Variants in WDR64 observed in about 807,000 individuals in gnomAD.
The protein encoded by WDR64 is WD repeat-containing protein 64.
A neutral mutation model predicts 139.3 loss-of-function variants in WDR64; 112 were observed. The ratio of observed to expected loss-of-function variants is 0.80; its 90% CI spans 0.69 to 0.94. The LOEUF (loss-of-function observed/expected upper bound fraction) is 0.94. Ranked by LOEUF, WDR64 falls within the 40% of genes least tolerant of loss-of-function variation. The pLI is 0.00. For missense variants in WDR64, 1,206 were observed against 1,293.1 expected (o/e 0.93, Z 1.03); for synonymous variants, 444 against 437.7 (o/e 1.01, Z -0.18).
At chr1:241,734,723 T>C (rs1396635188) in intron 10 of WDR64, among the ~76,000 whole-genome samples, 1 of 151,676 alleles carries the variant, frequency 6.6e-6, no homozygotes, top group African/African-American at 2.4e-5. Flanking sequence ...ACCGAATGAG[T>C]CATCATATTA....
intron 8 of WDR64, among the ~76,000 whole-genome samples, chr1:241,696,136 A>AAAAAAAAAAAAAAAAAAAAAAAAC (rs1667476600): frequency 6.7e-6 from 1 of 148,958 alleles, no homozygotes; most frequent in Admixed American, 6.7e-5. Context: ...AAAAAAAAAA[A>AAAAAAAAAAAAAAAAAAAAAAAAC]AAAAAGCATT....
Position 241,652,372 on chromosome 1 carries a change from C to T in WDR64, c.-113C>T. On this transcript the variant is annotated 5_prime_UTR_variant, in exon 1 of 28. Coordinates refer to ENST00000437684, the MANE Select transcript of WDR64 (RefSeq NM_001367482.1). ...GGATTTTAAGATCAAAGGAATTAGA[C>T]CTAGGGCAAAAACTGAGACAGCAGG... 2 of 1,134,828 alleles carry T rather than the reference C, an allele frequency of 1.8e-6. No individual in the cohort carries two copies. The highest frequency in any genetic ancestry group is 2.5e-6 in the Non-Finnish European group (2 of 815,388). The allele number at this position is 1,134,828 out of a possible 1,614,324, so 70.3% of individuals were successfully genotyped here.
At chr1:241,706,356 TG>T (rs1162668425) in intron 8 of WDR64, among the ~76,000 whole-genome samples, 2 of 152,240 alleles carry the variant, frequency 1.3e-5, no homozygotes, top group African/African-American at 2.4e-5. Flanking sequence ...GATTTGCTGT[TG>T]GGGCGAGGTG....
At chr1:241,695,760 CT>C (rs1472609087) in intron 8 of WDR64, among the ~76,000 whole-genome samples, 2 of 152,040 alleles carry the variant, frequency 1.3e-5, no homozygotes, top group African/African-American at 4.8e-5. Context: ...TAAAGAGTAT[CT>C]TTATACTGGT....
At chr1:241,657,363 C>T (rs977055908) in intron 1 of WDR64, among the ~76,000 whole-genome samples, 2 of 152,040 alleles carry the variant, frequency 1.3e-5, no homozygotes, top group Non-Finnish European at 2.9e-5. Context: ...ATCATTTCAC[C>T]CCATAAAACA....
chr1:241,722,181 C>T (rs977591500), intron 9 of WDR64, among the ~76,000 whole-genome samples: 1 of 152,084 alleles, frequency 6.6e-6, no homozygotes, highest in Admixed American at 6.6e-5. Context: ...GGAAAAAATA[C>T]CCAACGGCAT....
At chr1:241,740,007 C>T (rs1228474965) in intron 11 of WDR64, among the ~76,000 whole-genome samples, 2 of 152,158 alleles carry the variant, frequency 1.3e-5, no homozygotes, top group African/African-American at 4.8e-5. Flanking sequence ...AGACAACTAC[C>T]ATTACAATCA....
chr1:241,695,788 T>C (rs937753804), intron 8 of WDR64, among the ~76,000 whole-genome samples: 1 of 152,120 alleles, frequency 6.6e-6, no homozygotes, highest in Admixed American at 6.6e-5. Context: ...AATTGCCTAT[T>C]GCCAATGCTA....
At chr1:241,713,928 G>A (rs545007776) in intron 9 of WDR64, among the ~76,000 whole-genome samples, 1 of 152,294 alleles carries the variant, frequency 6.6e-6, no homozygotes, top group East Asian at 1.9e-4. Context: ...TGAAAGAGTA[G>A]CAATTGTGTT....
chr1:241,721,519 C>A (rs1278333945), intron 9 of WDR64, among the ~76,000 whole-genome samples: 1 of 151,940 alleles, frequency 6.6e-6, no homozygotes, highest in Non-Finnish European at 1.5e-5. Context: ...TAACTCAATT[C>A]CATTTTCTCA....
chr1:241,802,048 T>C lies in WDR64; in HGVS notation c.*833T>C, dbSNP rs1659541599. 2 of 397,718 alleles carry C rather than the reference T, an allele frequency of 5.0e-6. No individual in the cohort carries two copies. The highest frequency in any genetic ancestry group is 4.4e-5 in the Admixed American group (1 of 22,690). 24.6% of individuals were successfully genotyped at this position (397,718 alleles called of 1,614,324 possible). On this transcript the variant is annotated 3_prime_UTR_variant, in exon 28 of 28. Coordinates refer to ENST00000437684, the MANE Select transcript of WDR64 (RefSeq NM_001367482.1). ...AAAACTAACCTAAAGAAAATCAATATAGCCATATTAATATTAAAATACACT... is the reference window on the plus strand; with the variant it reads ...AAAACTAACCTAAAGAAAATCAATACAGCCATATTAATATTAAAATACACT...
At chr1:241,732,511 T>C (rs1669122849) in intron 10 of WDR64, among the ~76,000 whole-genome samples, 1 of 152,072 alleles carries the variant, frequency 6.6e-6, no homozygotes, top group African/African-American at 2.4e-5. Context: ...CACTCTATAA[T>C]AAACACCCAT....
chr1:241,664,804 T>C (rs1182086768), intron 2 of WDR64, among the ~76,000 whole-genome samples: 1 of 152,136 alleles, frequency 6.6e-6, no homozygotes, highest in African/African-American at 2.4e-5. Context: ...ATGAGAAAAA[T>C]CACAAAAAGG....
chr1:241,780,520 T>G (rs1045225591), intron 22 of WDR64, among the ~76,000 whole-genome samples: 1 of 152,182 alleles, frequency 6.6e-6, no homozygotes, highest in African/African-American at 2.4e-5. Flanking sequence ...TTTTAAAATA[T>G]TATACCAAGG....
At chr1:241,749,846 C>A in intron 14 of WDR64, 124 bp downstream of exon 14, 1 of 1,134,562 alleles carries the variant, frequency 8.8e-7, no homozygotes, top group Non-Finnish European at 1.3e-6. Flanking sequence ...TATTTATCCT[C>A]AGCCTTCCCG....
intron 25 of WDR64, among the ~76,000 whole-genome samples, chr1:241,793,935 A>T (rs577559305): frequency 8.1e-4 from 123 of 152,288 alleles, no homozygotes; most frequent in African/African-American, 2.8e-3. Context: ...TAATCTCAAC[A>T]CTTTGGGAGG....
At chr1:241,711,931 G>A (rs145135468) in intron 9 of WDR64, 50 bp downstream of exon 9, 315 of 1,567,696 alleles carry the variant, frequency 2.0e-4, no homozygotes, top group Middle Eastern at 3.3e-4. Context: ...TGCAAACATC[G>A]TTCTCTTCGA....
At chr1:241,665,093 A>G (rs1205221016) in intron 2 of WDR64, among the ~76,000 whole-genome samples, 1 of 152,154 alleles carries the variant, frequency 6.6e-6, no homozygotes, top group Non-Finnish European at 1.5e-5. Flanking sequence ...AAAACAAAAC[A>G]TATGACATTA....
chr1:241,756,525 C>T (rs2148275150), intron 14 of WDR64, among the ~76,000 whole-genome samples: 1 of 152,208 alleles, frequency 6.6e-6, no homozygotes, highest in East Asian at 1.9e-4. Context: ...TTCCTGTCTT[C>T]CTATTTGAAA....
Sources: gnomAD v4.1 joint callset for allele counts (sites outside exome capture counted in the v4.1 genomes callset) on GRCh38, gnomAD v4.1.1 for gene constraint, MANE v1.5 for transcripts, NCBI Gene and HGNC (gene_info 2026-07-23, HGNC 2026-07-21) for gene names.